RBFOX1: variants seen among roughly 807,000 people sequenced by gnomAD.
The protein encoded by RBFOX1 is RNA binding fox-1 homolog 1, also known as RNA binding protein fox-1 homolog 1.
RBFOX1 carries 8 observed loss-of-function variants against 57.7 expected under a neutral mutation model. The ratio of observed to expected loss-of-function variants is 0.14; its 90% CI spans 0.08 to 0.25. The LOEUF is 0.25. RBFOX1 is among the 10% of genes least tolerant of loss of function. The pLI is 1.00. For synonymous variants in RBFOX1, 326 were observed against 222.4 expected, an observed-to-expected ratio of 1.47 and a Z score of -4.15; for missense variants, 611 against 548.5, an observed-to-expected ratio of 1.11 and a Z score of -1.14.
intron 4 of RBFOX1, among the ~76,000 whole-genome samples, chr16:7,080,102 TAA>T (rs905755016): frequency 1.4e-5 from 2 of 147,206 alleles, no homozygotes; most frequent in African/African-American, 5.0e-5. Context: ...TATATATATA[TAA>T]AACCACAATT....
rs2052082572 is a variant in RBFOX1, at chr16:5,724,925, G to A, written c.318+125964G>A. Among the ~76,000 whole-genome samples the A allele has an allele frequency of 6.6e-5, 10 of 152,196 alleles. No homozygotes were observed. The South Asian group carries it at 1.9e-3, about 28-fold the overall frequency. On this transcript the variant is annotated intron_variant, in intron 3 of 19. Transcript: ENST00000641259. ...TGATTCCTGCCACGTAGTGAAATCA[G>A]CGTCTTTAACAGTCTGCGACTGGGG...
chr16:5,915,710 T>C (rs1329980389), intron 4 of RBFOX1, among the ~76,000 whole-genome samples: 2 of 152,084 alleles, frequency 1.3e-5, no homozygotes. Flanking sequence ...CGCTTGCCTG[T>C]AATCTCAGCT....
chr16:6,860,384 A>T (rs12921846), intron 3 of RBFOX1, among the ~76,000 whole-genome samples: 41,827 of 152,060 alleles, frequency 0.28, 7,153 homozygotes, highest in African/African-American at 0.47. Flanking sequence ...TGTTATTTCA[A>T]ACTCTTCAAA....
chr16:6,984,431 A>T (rs769247245), intron 3 of RBFOX1, among the ~76,000 whole-genome samples: 12 of 152,248 alleles, frequency 7.9e-5, no homozygotes, highest in South Asian at 2.1e-4. Context: ...CAGTGAGACG[A>T]ACCATCAGGA....
intron 3 of RBFOX1, among the ~76,000 whole-genome samples, chr16:6,953,046 T>C (rs2153528514): frequency 6.6e-6 from 1 of 152,294 alleles, no homozygotes; most frequent in African/African-American, 2.4e-5. Flanking sequence ...TAAGCATTAT[T>C]ATTTCTATAT....
chr16:6,450,506 C>T (rs533190817), intron 2 of RBFOX1, among the ~76,000 whole-genome samples: 1 of 151,344 alleles, frequency 6.6e-6, no homozygotes, highest in South Asian at 2.1e-4. Flanking sequence ...GGTAGGAAAG[C>T]CAGCAGGAAA....
At chr16:5,736,480 C>T (rs1031638506) in intron 3 of RBFOX1, among the ~76,000 whole-genome samples, 25 of 152,254 alleles carry the variant, frequency 1.6e-4, no homozygotes, top group Middle Eastern at 3.4e-3. Context: ...TTTCCCTCCC[C>T]GACTCTCCTC....
At chr16:5,584,585 T>C (rs7201479) in intron 2 of RBFOX1, among the ~76,000 whole-genome samples, 100,781 of 152,166 alleles carry the variant, frequency 0.66, 35,618 homozygotes, top group East Asian at 0.98. Context: ...TTCTGGAACT[T>C]TTCCCTTGCG....
chr16:5,856,229 GTA>G lies in RBFOX1; in HGVS notation c.319-11066_319-11065del, dbSNP rs1336036184. 5.4e-5 allele frequency among the ~76,000 whole-genome samples: 3 copies of G among 55,060 alleles called. 1 individual carries two copies. Among genetic ancestry groups the G allele is most frequent in the Non-Finnish European group, 9.7e-5 (3 of 31,010 alleles). The allele number at this position is 55,060 out of a possible 152,430, so 36.1% of individuals were successfully genotyped here. ...TATACATATATATGTATATATATAT[GTA>G]TATATATGTGTATATATATGTATAT... On this transcript the variant is annotated intron_variant, in intron 3 of 19. Coordinates refer to the RBFOX1 transcript ENST00000641259.
At chr16:7,219,197 A>G (rs1486968133) in intron 4 of RBFOX1, among the ~76,000 whole-genome samples, 1 of 152,212 alleles carries the variant, frequency 6.6e-6, no homozygotes, top group African/African-American at 2.4e-5. Context: ...ACATTGACAT[A>G]ATTAATGAAG....
chr16:6,816,146 A>G (rs999787702), intron 3 of RBFOX1, among the ~76,000 whole-genome samples: 2 of 152,062 alleles, frequency 1.3e-5, no homozygotes, highest in Non-Finnish European at 1.5e-5. Flanking sequence ...CGTCTCTACA[A>G]AATTTTTATT....
intron 1 of RBFOX1, among the ~76,000 whole-genome samples, chr16:5,345,323 C>T (rs546882194): frequency 6.6e-6 from 1 of 152,322 alleles, no homozygotes; most frequent in South Asian, 2.1e-4. Context: ...ATGCCCTTAC[C>T]CTTTTCCCCT....
intron 1 of RBFOX1, among the ~76,000 whole-genome samples, chr16:5,385,565 C>G (rs1249158289): frequency 6.6e-6 from 1 of 152,170 alleles, no homozygotes; most frequent in East Asian, 1.9e-4. Flanking sequence ...CTTAAATGAC[C>G]TAGATCAGCC....
At chr16:6,920,691 A>T (rs1228369102) in intron 3 of RBFOX1, among the ~76,000 whole-genome samples, 1 of 152,122 alleles carries the variant, frequency 6.6e-6, no homozygotes, top group African/African-American at 2.4e-5. Context: ...GTTCCAAGCA[A>T]TCATTGGCAC....
At chr16:7,568,781 G>T (rs1453345857) in intron 5 of RBFOX1, among the ~76,000 whole-genome samples, 1 of 150,156 alleles carries the variant, frequency 6.7e-6, no homozygotes, top group Admixed American at 6.7e-5. Flanking sequence ...CAGCTACTTG[G>T]GAGGCTGAGG....
chr16:7,664,809 T>A lies in RBFOX1; in HGVS notation c.891-120T>A. The A allele has an allele frequency of 1.9e-6, 3 of 1,576,220 alleles. No homozygotes were observed. In the South Asian group the frequency reaches 3.4e-5, roughly 18 times the overall value. ...CCTCCTTAATCCAATGTGAAAACGA[T>A]CCTCGGTTCCTGTGTTTTGGATCTT... On this transcript the variant is annotated intron_variant, in intron 12 of 15. Coordinates refer to ENST00000550418, the MANE Select transcript of RBFOX1 (RefSeq NM_018723.4).
intron 2 of RBFOX1, among the ~76,000 whole-genome samples, chr16:6,613,707 A>T (rs2098102206): frequency 6.6e-6 from 1 of 152,198 alleles, no homozygotes; most frequent in Non-Finnish European, 1.5e-5. Context: ...AGTACCAAGG[A>T]GGGCAGATCA....
At chr16:7,472,467 T>A (rs996027033) in intron 4 of RBFOX1, among the ~76,000 whole-genome samples, 1 of 152,220 alleles carries the variant, frequency 6.6e-6, no homozygotes, top group Non-Finnish European at 1.5e-5. Flanking sequence ...CTGAAACCAG[T>A]GTTATGAAAC....
intron 3 of RBFOX1, 98 bp downstream of exon 3, chr16:6,654,748 T>G (rs2058527): frequency 0.75 from 654,874 of 878,110 alleles, 244,706 homozygotes; most frequent in Admixed American, 0.85. Flanking sequence ...ATGATGGTTT[T>G]TAGGTGATTC....
Sources: allele counts gnomAD v4.1 joint callset (sites outside exome capture counted in the v4.1 genomes callset), GRCh38; gene constraint gnomAD v4.1.1; transcripts MANE v1.5; gene names NCBI Gene and HGNC (gene_info 2026-07-23, HGNC 2026-07-21).